Variants in LNX2 observed in about 807,000 individuals in gnomAD.
LNX2 encodes ligand of numb-protein X 2, also known as ligand of Numb protein X 2.
LNX2 carries 35 observed loss-of-function variants against 66.2 expected under a neutral mutation model. The observed-to-expected ratio is 0.53, with a 90% CI of 0.40 to 0.70. The LOEUF (loss-of-function observed/expected upper bound fraction) is 0.70. Ranked by LOEUF, LNX2 falls within the 30% of genes least tolerant of loss-of-function variation. The pLI, the probability that LNX2 is intolerant of heterozygous loss-of-function variation, is 0.00. For synonymous variants in LNX2, 337 were observed against 315.6 expected, an observed-to-expected ratio of 1.07 and a Z score of -0.72; for missense variants, 791 against 850.8, an observed-to-expected ratio of 0.93 and a Z score of 0.87.
Position 27,550,467 on chromosome 13 carries a change from T to G in LNX2, c.1803A>C (p.Ile601=), listed in dbSNP as rs1166919102. 3 of 1,614,020 alleles carry G rather than the reference T, an allele frequency of 1.9e-6. No individual in the cohort carries two copies. The highest frequency in any genetic ancestry group is 4.5e-5 in the East Asian group (2 of 44,868). The change falls in exon 9 of 10, where the codon ATA becomes ATC. Residue 601 remains isoleucine (I), a synonymous_variant. Coordinates refer to ENST00000316334, the MANE Select transcript of LNX2 (RefSeq NM_153371.4). ...LPSTLHSCHD[I]VLRRSYLGSW... ...TTCCCAAGTAACTTCTTCGTAAAAC[T>G]ATATCGTGGCAGCTATGAAGTGTGC...
At position 27,547,930 on chromosome 13, in the gene LNX2, C is replaced by G. The variant is rs1465513599; in HGVS notation, c.*405G>C. 5.7e-6 allele frequency: 1 copy of G among 175,902 alleles called. No individual in the cohort carries two copies. The highest frequency in any genetic ancestry group is 1.2e-5 in the Non-Finnish European group (1 of 81,830). The allele number at this position is 175,902 out of a possible 1,614,324, so 10.9% of individuals were successfully genotyped here. On this transcript the variant is annotated 3_prime_UTR_variant, in exon 10 of 10. Coordinates refer to ENST00000316334, the MANE Select transcript of LNX2 (RefSeq NM_153371.4). The stretch of plus-strand genomic sequence containing the variant: ...GGTATTGGTTATGACAGTGGCAGTA[C>G]ACGCTGTTGTTACTGGCTTTGCTGA...
At chr13:27,610,545 ACTC>A (rs1230180067) in intron 1 of LNX2, among the ~76,000 whole-genome samples, 1 of 152,134 alleles carries the variant, frequency 6.6e-6, no homozygotes, top group Non-Finnish European at 1.5e-5. Context: ...AAACTATAAA[ACTC>A]CTAGAAGAAA....
intron 7 of LNX2, 86 bp downstream of exon 7, chr13:27,556,150 A>T: frequency 7.8e-7 from 1 of 1,284,336 alleles, no homozygotes; most frequent in Non-Finnish European, 1.1e-6. Flanking sequence ...TGTTTAATAG[A>T]TACTTTGTAG....
chr13:27,560,122 G>A, intron 5 of LNX2, 137 bp from the exon 6 acceptor site: 1 of 586,298 alleles, frequency 1.7e-6, no homozygotes, highest in Admixed American at 3.7e-5. Context: ...CAAGCACCTG[G>A]TGGCAAGAGG....
At chr13:27,618,739 T>C (rs1955853809) in intron 1 of LNX2, among the ~76,000 whole-genome samples, 1 of 152,220 alleles carries the variant, frequency 6.6e-6, no homozygotes, top group Non-Finnish European at 1.5e-5. Flanking sequence ...TACCTCCACC[T>C]CGGACACTGG....
intron 6 of LNX2, among the ~76,000 whole-genome samples, chr13:27,557,548 GTAGA>G (rs1259137064): frequency 1.3e-5 from 2 of 151,944 alleles, no homozygotes; most frequent in Admixed American, 6.6e-5. Flanking sequence ...AGAGAATGTT[GTAGA>G]TAATTAAAAT....
chr13:27,563,424 G>A (rs371218194), intron 4 of LNX2, among the ~76,000 whole-genome samples: 10 of 152,134 alleles, frequency 6.6e-5, no homozygotes, highest in South Asian at 4.2e-4. Context: ...AAGTAATTAC[G>A]GTTTTTACCA....
chr13:27,581,522 A>C lies in LNX2; in HGVS notation c.182T>G (p.Leu61Arg). The stretch of plus-strand genomic sequence containing the variant: ...GAATGTATGTCCACAGGGTGTGTCT[A>C]GTGGCTGCAGCAGAGGTTGAAGGCA... ...HICLQPLLQP[L>R]DTPCGHTFCY... The change falls in exon 2 of 10, where the codon CTA becomes CGA. Residue 61 changes from leucine (L) to arginine (R), a missense_variant. Coordinates refer to ENST00000316334, the MANE Select transcript of LNX2 (RefSeq NM_153371.4). 6.2e-7 allele frequency: 1 copy of C among 1,614,144 alleles called. No homozygotes were observed. The highest frequency in any genetic ancestry group is 8.5e-7 in the Non-Finnish European group (1 of 1,179,982).
intron 1 of LNX2, among the ~76,000 whole-genome samples, chr13:27,615,649 A>G (rs114347720): frequency 1.1e-3 from 163 of 152,280 alleles, no homozygotes; most frequent in African/African-American, 3.8e-3. Context: ...ATCAGCATAC[A>G]AAGACACTTA....
At chr13:27,562,168 G>T (rs1955143216) in intron 5 of LNX2, among the ~76,000 whole-genome samples, 1 of 152,152 alleles carries the variant, frequency 6.6e-6, no homozygotes, top group African/African-American at 2.4e-5. Context: ...AAATGAATGT[G>T]AAACAGTAGA....
intron 1 of LNX2, among the ~76,000 whole-genome samples, chr13:27,597,499 T>C (rs1955611844): frequency 2.0e-5 from 3 of 152,102 alleles, no homozygotes; most frequent in South Asian, 2.1e-4. Context: ...GGTATATGCA[T>C]GTAACGGGGG....
At chr13:27,562,052 T>A (rs188702778) in intron 5 of LNX2, among the ~76,000 whole-genome samples, 11 of 152,290 alleles carry the variant, frequency 7.2e-5, no homozygotes, top group Non-Finnish European at 1.3e-4. Flanking sequence ...GTAAGTCAGA[T>A]CCTTGGTAAT....
At chr13:27,593,494 C>T in intron 1 of LNX2, among the ~76,000 whole-genome samples, 1 of 151,840 alleles carries the variant, frequency 6.6e-6, no homozygotes, top group East Asian at 1.9e-4. Flanking sequence ...AGTCTCAGAC[C>T]CTCATACTAC....
intron 2 of LNX2, among the ~76,000 whole-genome samples, chr13:27,573,835 C>G (rs144755289): frequency 6.6e-6 from 1 of 151,350 alleles, no homozygotes; most frequent in Non-Finnish European, 1.5e-5. Flanking sequence ...ATCTAGTTTT[C>G]TGAGTTGCCA....
At chr13:27,593,803 T>C (rs942807481) in intron 1 of LNX2, among the ~76,000 whole-genome samples, 2 of 146,102 alleles carry the variant, frequency 1.4e-5, no homozygotes, top group African/African-American at 5.1e-5. Context: ...ACCTTGTTGG[T>C]CAGGCTGGTT....
intron 3 of LNX2, among the ~76,000 whole-genome samples, chr13:27,568,782 G>C (rs1955237695): frequency 6.6e-6 from 1 of 152,136 alleles, no homozygotes; most frequent in Admixed American, 6.5e-5. Flanking sequence ...CAACAGAAAA[G>C]GGATGGGTTA....
At chr13:27,588,813 AC>A (rs200225115) in intron 1 of LNX2, among the ~76,000 whole-genome samples, 12 of 152,188 alleles carry the variant, frequency 7.9e-5, no homozygotes, top group Non-Finnish European at 1.3e-4. Context: ...AATAAAAAAA[AC>A]AAACCCAGTA....
chr13:27,571,230 C>A lies in LNX2; in HGVS notation c.408-1954G>T, dbSNP rs1955276027. Among the ~76,000 whole-genome samples the A allele has an allele frequency of 2.0e-5, 3 of 152,180 alleles. No individual in the cohort carries two copies. The South Asian group carries it at 6.2e-4, about 32-fold the overall frequency. On this transcript the variant is annotated intron_variant, in intron 2 of 9. Coordinates refer to ENST00000316334, the MANE Select transcript of LNX2 (RefSeq NM_153371.4). ...TATGAGACAAAGAGTGCAAACTTAACTAGGGAGACAAGCAGTCAACAACAA... is the reference window on the plus strand; with the variant it reads ...TATGAGACAAAGAGTGCAAACTTAAATAGGGAGACAAGCAGTCAACAACAA...
chr13:27,602,170 A>G (rs1359267706), intron 1 of LNX2, among the ~76,000 whole-genome samples: 1 of 152,084 alleles, frequency 6.6e-6, no homozygotes, highest in Non-Finnish European at 1.5e-5. Context: ...CATGTTGCCC[A>G]GCACTCAAGC....
Sources: gnomAD v4.1 joint callset for allele counts (sites outside exome capture counted in the v4.1 genomes callset) on GRCh38, gnomAD v4.1.1 for gene constraint, MANE v1.5 for transcripts, NCBI Gene and HGNC (gene_info 2026-07-23, HGNC 2026-07-21) for gene names.